CENPT: variants seen among roughly 807,000 people sequenced by gnomAD.
CENPT encodes the protein centromere protein T, also known as interphase centromere complex protein 22.
In CENPT, 42 loss-of-function variants were observed where a neutral mutation model predicts 59.7. The observed-to-expected ratio is 0.70, with a 90% CI of 0.55 to 0.91. The LOEUF (loss-of-function observed/expected upper bound fraction) is 0.91. CENPT is among the 40% of genes least tolerant of loss of function. The pLI is 0.00. For missense variants in CENPT, 716 were observed against 713.4 expected, an observed-to-expected ratio of 1.00 and a Z score of -0.04; for synonymous variants, 295 against 289.6, an observed-to-expected ratio of 1.02 and a Z score of -0.19.
In CENPT at chr16:67,832,214, C is replaced by G. The variant is rs765627364; in HGVS notation, c.289+14G>C. On this transcript the variant is annotated intron_variant, in intron 6 of 15. Coordinates refer to ENST00000562787, the MANE Select transcript of CENPT (RefSeq NM_025082.4). ...TGGTACCTAACTCTGACCGGCAGGC[C>G]AGCGCTCACTTACCAGTTAGTAGGA... The G allele has an allele frequency of 6.2e-7, 1 of 1,613,712 alleles. No homozygotes were observed. Among genetic ancestry groups the G allele is most frequent in the Admixed American group, 1.7e-5 (1 of 59,998 alleles).
intron 1 of CENPT, among the ~76,000 whole-genome samples, chr16:67,844,793 T>A (rs569187199): frequency 2.6e-5 from 4 of 152,070 alleles, no homozygotes; most frequent in East Asian, 3.9e-4. Context: ...TTTTTTTTTT[T>A]TTATTTTTTT....
In CENPT at chr16:67,829,911, A is replaced by G; in HGVS notation, c.1040T>C (p.Met347Thr). The stretch of plus-strand genomic sequence containing the variant: ...GGGTCCTTGTGCTCCTGTTGCCTCC[A>G]TTTCACTCACACTCACACCTTCTTC... ...MEEEGVSVSE[M>T]EATGAQGPSR... Residue 347 changes from methionine to threonine, a missense_variant, in exon 12 of 16, where the codon ATG becomes ACG. Coordinates refer to ENST00000562787, the MANE Select transcript of CENPT (RefSeq NM_025082.4). 1 of 1,614,032 alleles carries G rather than the reference A, an allele frequency of 6.2e-7. No homozygotes were observed. Among genetic ancestry groups the G allele is most frequent in the Non-Finnish European group, 8.5e-7 (1 of 1,180,018 alleles).
In CENPT at chr16:67,828,230, C is replaced by A; in HGVS notation, c.*37G>T. 1 of 1,545,208 alleles carries A rather than the reference C, an allele frequency of 6.5e-7. No individual in the cohort carries two copies. Among genetic ancestry groups the A allele is most frequent in the Admixed American group, 2.0e-5 (1 of 50,252 alleles). The stretch of plus-strand genomic sequence containing the variant: ...GGAGAAATATGTGGGGGCAAGAGTC[C>A]CCAGGTGGGGACAGGGAAAGTGTTG... On this transcript the variant is annotated 3_prime_UTR_variant, in exon 16 of 16. Transcript: ENST00000562787.
Position 67,843,016 on chromosome 16 carries a change from G to T in CENPT, c.-492+4385C>A. 2 of 1,612,546 alleles carry T rather than the reference G, an allele frequency of 1.2e-6. No individual in the cohort carries two copies. The highest frequency in any genetic ancestry group is 8.5e-7 in the Non-Finnish European group (1 of 1,180,016). On this transcript the variant is annotated intron_variant, in intron 1 of 15. Coordinates refer to ENST00000562787, the MANE Select transcript of CENPT (RefSeq NM_025082.4). The surrounding 1 kb of genome is among the most constrained non-coding windows in gnomAD (Gnocchi z 5.7). ...AGCCGAACCTGGTATCTGCTTCCGCGGCCGTGCTTCTCACCCTTCAGGCCA... is the reference window on the plus strand; with the variant it reads ...AGCCGAACCTGGTATCTGCTTCCGCTGCCGTGCTTCTCACCCTTCAGGCCA...
chr16:67,843,860 G>A lies in CENPT; in HGVS notation c.-492+3541C>T. On this transcript the variant is annotated intron_variant, in intron 1 of 15. Coordinates refer to ENST00000562787, the MANE Select transcript of CENPT (RefSeq NM_025082.4). The surrounding 1 kb of genome is among the most constrained non-coding windows in gnomAD (Gnocchi z 5.7). ...TTTGGGAAAACCATACCTTAAGGTT[G>A]GTCAGCAGTCAGACAACTCTAATGT... is the stretch of plus-strand genomic sequence containing the variant. 1 of 223,746 alleles carries A rather than the reference G, an allele frequency of 4.5e-6. No individual in the cohort carries two copies. The highest frequency in any genetic ancestry group is 1.0e-4 in the South Asian group (1 of 9,958). The allele number at this position is 223,746 out of a possible 1,614,324, so 13.9% of individuals were successfully genotyped here.
chr16:67,844,115 T>C (rs970480572), intron 1 of CENPT: 3 of 166,970 alleles, frequency 1.8e-5, no homozygotes, highest in Non-Finnish European at 4.4e-5. Flanking sequence ...TTACAAATTC[T>C]ATTTTCTGTA....
intron 1 of CENPT, among the ~76,000 whole-genome samples, chr16:67,838,546 C>T (rs1419703527): frequency 4.7e-5 from 7 of 150,180 alleles, no homozygotes; most frequent in African/African-American, 9.8e-5. Flanking sequence ...GGCTTGAACC[C>T]GGGAGATGGA....
At chr16:67,837,729 C>T (rs1422090898) in intron 1 of CENPT, among the ~76,000 whole-genome samples, 3 of 151,964 alleles carry the variant, frequency 2.0e-5, no homozygotes, top group East Asian at 3.9e-4. Flanking sequence ...AACAAACAAA[C>T]AATGAGCTTC....
At chr16:67,835,717 G>C (rs911009720) in intron 1 of CENPT, 59 bp from the exon 2 acceptor site, 4 of 152,068 alleles carry the variant, frequency 2.6e-5, no homozygotes, top group African/African-American at 4.8e-5. Context: ...TAAGAGAACT[G>C]TAGAGAAAAA....
At chr16:67,834,221 T>G in intron 3 of CENPT, 121 bp from the exon 4 acceptor site, 2 of 202,502 alleles carry the variant, frequency 9.9e-6, no homozygotes, top group Non-Finnish European at 2.0e-5. Context: ...TTGCTATTAT[T>G]AGAAGGCTCT....
rs533840724 is a variant in CENPT, at chr16:67,839,381, C to CAA, written c.-491-3725_-491-3724dup. Among the ~76,000 whole-genome samples, 22 of 54,118 alleles carry CAA rather than the reference C, an allele frequency of 4.1e-4. 1 individual carries two copies. Among genetic ancestry groups the CAA allele is most frequent in the Non-Finnish European group, 5.3e-4 (14 of 26,460 alleles). 35.5% of individuals were successfully genotyped at this position (54,118 alleles called of 152,430 possible). A position where few individuals can be genotyped will look rare whatever the true frequency, so the allele number is the denominator to read the frequency against. ...CCTGACCAAGAACAAAACTCCACCT[C>CAA]AAAAAAAAAAAAAAAAAAACCAAAA... On this transcript the variant is annotated intron_variant, in intron 1 of 15. Coordinates refer to ENST00000562787, the MANE Select transcript of CENPT (RefSeq NM_025082.4).
At chr16:67,838,171 A>C (rs933283179) in intron 1 of CENPT, among the ~76,000 whole-genome samples, 1 of 152,198 alleles carries the variant, frequency 6.6e-6, no homozygotes, top group African/African-American at 2.4e-5. Context: ...TGGAAATTAG[A>C]GTTTCATTGG....
intron 10 of CENPT, chr16:67,830,855 C>T (rs1410834111): frequency 1.9e-6 from 1 of 518,098 alleles, no homozygotes; most frequent in Non-Finnish European, 3.5e-6. Context: ...CTCCGTCTTC[C>T]CAAACCCTCT....
At chr16:67,829,376 G>T (rs561348188) in intron 13 of CENPT, 47 bp downstream of exon 13, 1 of 1,458,296 alleles carries the variant, frequency 6.9e-7, no homozygotes, top group Non-Finnish European at 9.4e-7. Context: ...CATACCCAAT[G>T]CTCCCTTCCC....
At chr16:67,846,278 G>C (rs1057131849) in intron 1 of CENPT, among the ~76,000 whole-genome samples, 1 of 152,208 alleles carries the variant, frequency 6.6e-6, no homozygotes, top group African/African-American at 2.4e-5. Flanking sequence ...GAATGTTTTG[G>C]GGGGACCCCT....
intron 12 of CENPT, 91 bp from the exon 13 acceptor site, chr16:67,829,607 G>A: frequency 7.3e-7 from 1 of 1,378,902 alleles, no homozygotes; most frequent in South Asian, 1.3e-5. Context: ...CCTGTTTCTG[G>A]TGGGCCCCAC....
rs941518976 is a variant in CENPT, at chr16:67,842,734, C to T, written c.-492+4667G>A. On this transcript the variant is annotated intron_variant, in intron 1 of 15. Transcript: ENST00000562787. This position sits in a 1 kb window ranked among gnomAD's most constrained non-coding sequence, Gnocchi z 4.9. ...TCCAGCCCACCACAGGCCACCGTCT[C>T]TGCAGCGTTCACTTCCAGGGCGGCC... 1.9e-6 allele frequency: 3 copies of T among 1,608,208 alleles called. No homozygotes were observed. The highest frequency in any genetic ancestry group is 2.7e-5 in the African/African-American group (2 of 74,746).
intron 13 of CENPT, 97 bp from the exon 14 acceptor site, chr16:67,828,940 G>T: frequency 7.4e-7 from 1 of 1,358,294 alleles, no homozygotes; most frequent in Non-Finnish European, 9.9e-7. Context: ...TGGGGACCAC[G>T]TGGCCCTTGG....
chr16:67,835,215 A>G lies in CENPT; in HGVS notation c.-285T>C, dbSNP rs2057728099. 1 of 152,192 alleles carries G rather than the reference A, an allele frequency of 6.6e-6. No individual in the cohort carries two copies. The highest frequency in any genetic ancestry group is 1.5e-5 in the Non-Finnish European group (1 of 68,034). 9.4% of individuals were successfully genotyped at this position (152,192 alleles called of 1,614,324 possible). On this transcript the variant is annotated 5_prime_UTR_variant, in exon 3 of 16. Coordinates refer to ENST00000562787, the MANE Select transcript of CENPT (RefSeq NM_025082.4). ...TCCTCCGTATTTTTCACTGGTTGAC[A>G]ATCCTCTCACCTTAAGTTTTCATGG...
Sources: gnomAD v4.1 joint callset for allele counts (sites outside exome capture counted in the v4.1 genomes callset) on GRCh38, gnomAD v4.1.1 for gene constraint, Gnocchi (gnomAD v3.1) non-coding constraint, MANE v1.5 for transcripts, NCBI Gene and HGNC (gene_info 2026-07-23, HGNC 2026-07-21) for gene names.